CPS1: variants seen among roughly 807,000 people sequenced by gnomAD.
CPS1 encodes carbamoyl-phosphate synthase 1.
A neutral mutation model predicts 174.6 loss-of-function variants in CPS1; 109 were observed. That is an observed-to-expected ratio of 0.62 (90% confidence interval 0.53 to 0.73). The LOEUF (loss-of-function observed/expected upper bound fraction) is 0.73. Among genes scored for constraint, CPS1 ranks in the 30% least tolerant of loss-of-function variants. CPS1 has a pLI of 0.00. For missense variants in CPS1, 1,689 were observed against 1,821.9 expected (o/e 0.93, Z 1.33); for synonymous variants, 637 against 632.0 (o/e 1.01, Z -0.12).
rs867309022 is a variant in CPS1, at chr2:210,608,455, G to A, written c.2287G>A (p.Glu763Lys). The change falls in exon 19 of 38, where the codon GAA becomes AAA. Residue 763 changes from glutamate (E) to lysine (K), a missense_variant. Coordinates refer to ENST00000233072, the MANE Select transcript of CPS1 (RefSeq NM_001875.5). The part of the protein sequence containing the change: ...VVSGKTSACF[E>K]PSLDYMVTKI... ...ATCCGGGAAGACATCAGCCTGTTTT[G>A]AACCTAGCCTGGATTACATGGTCAC... 3 of 1,612,356 alleles carry A rather than the reference G, an allele frequency of 1.9e-6. No individual in the cohort carries two copies. In the African/African-American group the frequency reaches 4.0e-5, roughly 22 times the overall value.
chr2:210,582,862 C>T (rs1158457295), intron 6 of CPS1, among the ~76,000 whole-genome samples, 153 bp downstream of exon 6: 2 of 152,126 alleles, frequency 1.3e-5, no homozygotes, highest in African/African-American at 2.4e-5. Context: ...ATACACCTTA[C>T]AAAATCAGTG....
At chr2:210,479,932 G>C (rs923909149) in intron 1 of CPS1, among the ~76,000 whole-genome samples, 10 of 152,116 alleles carry the variant, frequency 6.6e-5, no homozygotes, top group African/African-American at 2.2e-4. Context: ...ATTGATAACA[G>C]AGAAAACAAC....
chr2:210,627,735 A>G (rs1224946170), intron 21 of CPS1, among the ~76,000 whole-genome samples: 6 of 152,200 alleles, frequency 3.9e-5, no homozygotes, highest in Admixed American at 3.9e-4. Flanking sequence ...GTGTGAGTAC[A>G]GAAATACTAC....
At chr2:210,629,604 C>A (rs1699802479) in intron 21 of CPS1, among the ~76,000 whole-genome samples, 1 of 151,742 alleles carries the variant, frequency 6.6e-6, no homozygotes, top group Non-Finnish European at 1.5e-5. Flanking sequence ...CGTGAGCCAC[C>A]GCGCCCAGCC....
In CPS1 at chr2:210,498,763, T is replaced by A. The variant is rs114861140; in HGVS notation, c.3+20997T>A. Among the ~76,000 whole-genome samples, 188 of 152,276 alleles carry A rather than the reference T, an allele frequency of 1.2e-3. 2 individuals carry two copies. The highest frequency in any genetic ancestry group is 4.4e-3 in the African/African-American group (184 of 41,570). ...TAAATTCTTATTCCAGTAGAGTGGG[T>A]GCTCTAGATGCTTGGAGATCTGCCT... On this transcript the variant is annotated intron_variant, in intron 1 of 38. Coordinates refer to the CPS1 transcript ENST00000430249.
chr2:210,640,191 G>A lies in CPS1; in HGVS notation c.2959+132G>A. 4.6e-6 allele frequency: 3 copies of A among 656,174 alleles called. No homozygotes were observed. In the South Asian group the frequency reaches 6.1e-5, roughly 13 times the overall value. 40.6% of individuals were successfully genotyped at this position (656,174 alleles called of 1,614,324 possible). On this transcript the variant is annotated intron_variant, in intron 24 of 37. Coordinates refer to ENST00000233072, the MANE Select transcript of CPS1 (RefSeq NM_001875.5). ...TATATGTTTTGCAAATTAGGAAGCT[G>A]GGGTTCAGAAAAATAAAACCCAAAT...
intron 16 of CPS1, among the ~76,000 whole-genome samples, chr2:210,603,264 C>T (rs1300217670): frequency 6.6e-6 from 1 of 151,894 alleles, no homozygotes; most frequent in Admixed American, 6.6e-5. Flanking sequence ...ATTGCTTCAT[C>T]TTTACTTACT....
At chr2:210,586,774 G>A (rs1156231431) in intron 6 of CPS1, among the ~76,000 whole-genome samples, 1 of 152,002 alleles carries the variant, frequency 6.6e-6, no homozygotes, top group Non-Finnish European at 1.5e-5. Flanking sequence ...GTTTCTTAAT[G>A]TCAGTGCAAT....
upstream of CPS1, among the ~76,000 whole-genome samples, chr2:210,555,846 G>A (rs1696897684): frequency 6.6e-6 from 1 of 151,932 alleles, no homozygotes; most frequent in Non-Finnish European, 1.5e-5. Context: ...GTTGAAATAT[G>A]AATGCTGAAG....
chr2:210,622,919 T>C (rs1428523238), intron 21 of CPS1, among the ~76,000 whole-genome samples: 1 of 152,088 alleles, frequency 6.6e-6, no homozygotes, highest in Admixed American at 6.6e-5. Context: ...TATTTCTGAC[T>C]GACATATCCA....
chr2:210,632,897 T>C (rs1699913212), intron 21 of CPS1, among the ~76,000 whole-genome samples: 1 of 152,242 alleles, frequency 6.6e-6, no homozygotes, highest in Admixed American at 6.5e-5. Context: ...ATTTAATACA[T>C]TCTAATTTTT....
chr2:210,662,403 C>A (rs1243176601), intron 32 of CPS1, among the ~76,000 whole-genome samples: 1 of 152,094 alleles, frequency 6.6e-6, no homozygotes, highest in Admixed American at 6.5e-5. Flanking sequence ...TGAAATGACT[C>A]CCAAGCTAGA....
At chr2:210,573,890 G>C (rs944998205) in intron 2 of CPS1, among the ~76,000 whole-genome samples, 1 of 152,032 alleles carries the variant, frequency 6.6e-6, no homozygotes. Flanking sequence ...TAGTAAGAAA[G>C]TTGAAATAAC....
chr2:210,650,979 T>C (rs1281326910), intron 28 of CPS1, among the ~76,000 whole-genome samples: 1 of 152,236 alleles, frequency 6.6e-6, no homozygotes, highest in Non-Finnish European at 1.5e-5. Context: ...GCATTTCTTA[T>C]TTTGTGGCAA....
At chr2:210,488,512 A>G (rs957534893) in intron 1 of CPS1, among the ~76,000 whole-genome samples, 1 of 152,216 alleles carries the variant, frequency 6.6e-6, no homozygotes, top group African/African-American at 2.4e-5. Flanking sequence ...GTAGTTTTCC[A>G]ACTGTCTCCT....
intron 6 of CPS1, among the ~76,000 whole-genome samples, chr2:210,587,337 C>A (rs1038072538): frequency 6.6e-6 from 1 of 152,022 alleles, no homozygotes; most frequent in Non-Finnish European, 1.5e-5. Flanking sequence ...GTGTGCCCAC[C>A]CTTCTAGGCT....
At chr2:210,514,784 T>TG (rs1491248812) in intron 1 of CPS1, among the ~76,000 whole-genome samples, 7 of 102,598 alleles carry the variant, frequency 6.8e-5, no homozygotes, top group Admixed American at 5.3e-4. Flanking sequence ...TGGGAATGCT[T>TG]CTTTTTTTTT....
chr2:210,675,094 T>C (rs1339489461), intron 35 of CPS1, 133 bp downstream of exon 35: 2 of 737,518 alleles, frequency 2.7e-6, no homozygotes, highest in Non-Finnish European at 2.4e-6. Flanking sequence ...AACTTGGTAG[T>C]TTCAAAACTT....
Position 210,577,510 on chromosome 2 carries a change from G to A in CPS1, c.471G>A (p.Lys157=), listed in dbSNP as rs141050942. 3 of 1,610,558 alleles carry A rather than the reference G, an allele frequency of 1.9e-6. No homozygotes were observed. The highest frequency in any genetic ancestry group is 2.7e-5 in the African/African-American group (2 of 74,884). Reference sequence around the variant, plus strand: ...TAGGGCAATGGCTACAGGAAGAAAAGGTAAGAAATGTAATAGGGCATCCAT... The same window carrying A: ...TAGGGCAATGGCTACAGGAAGAAAAAGTAAGAAATGTAATAGGGCATCCAT... ...KSLGQWLQEE[K]VPAIYGVDTR... The change falls in exon 4 of 38, where the codon AAG becomes AAA. Residue 157 remains lysine (K), a splice_region_variant and synonymous_variant. Coordinates refer to ENST00000233072, the MANE Select transcript of CPS1 (RefSeq NM_001875.5).
Sources: allele counts gnomAD v4.1 joint callset (sites outside exome capture counted in the v4.1 genomes callset), GRCh38; gene constraint gnomAD v4.1.1; transcripts MANE v1.5; gene names NCBI Gene and HGNC (gene_info 2026-07-23, HGNC 2026-07-21).